PRDM16: variants seen among roughly 807,000 people sequenced by gnomAD.
The protein encoded by PRDM16 is histone-lysine N-methyltransferase PRDM16.
In PRDM16, 23 loss-of-function variants were observed where a neutral mutation model predicts 110.6. The observed-to-expected ratio is 0.21, with a 90% CI of 0.15 to 0.29. PRDM16 has a LOEUF of 0.29. Among genes scored for constraint, PRDM16 ranks in the 10% least tolerant of loss-of-function variants. The pLI, the probability that PRDM16 is intolerant of heterozygous loss-of-function variation, is 1.00. For missense variants in PRDM16, 1,615 were observed against 1,794.3 expected (o/e 0.90, Z 1.81); for synonymous variants, 799 against 781.8 (o/e 1.02, Z -0.37).
chr1:3,314,347 G>A (rs1641547063), intron 3 of PRDM16, among the ~76,000 whole-genome samples: 1 of 152,200 alleles, frequency 6.6e-6, no homozygotes, highest in African/African-American at 2.4e-5. Context: ...GGAAAGGAGA[G>A]GGAGAGAGAG....
intron 3 of PRDM16, among the ~76,000 whole-genome samples, chr1:3,262,009 G>A (rs1463533017): frequency 6.6e-6 from 1 of 152,236 alleles, no homozygotes; most frequent in Admixed American, 6.5e-5. Flanking sequence ...GAAGCTTCCA[G>A]TACAGGTACT....
At chr1:3,387,966 G>A (rs1034489003) in intron 4 of PRDM16, among the ~76,000 whole-genome samples, 5 of 152,176 alleles carry the variant, frequency 3.3e-5, no homozygotes, top group East Asian at 3.8e-4. Context: ...CGGCTGTGAC[G>A]GCCGCACGGC....
At chr1:3,417,340 C>T (rs370210205) in intron 10 of PRDM16, among the ~76,000 whole-genome samples, 9 of 152,316 alleles carry the variant, frequency 5.9e-5, no homozygotes, top group Admixed American at 2.6e-4. Flanking sequence ...ATGCTTTAAA[C>T]GGAGATTCAG....
In PRDM16 at chr1:3,425,395, G is replaced by A; in HGVS notation, c.2940-186G>A. On this transcript the variant is annotated intron_variant, in intron 12 of 16. Transcript: ENST00000270722. The surrounding 1 kb of genome is among the most constrained non-coding windows in gnomAD (Gnocchi z 6.9). ...TTCTTGAAGCCGGGGCTGTTTCTAG[G>A]GACAGCTTCCCCAGGATGCCTTTGG... The A allele has an allele frequency of 1.7e-6, 1 of 592,378 alleles. No homozygotes were observed. The highest frequency in any genetic ancestry group is 2.9e-6 in the Non-Finnish European group (1 of 341,680). 36.7% of individuals were successfully genotyped at this position (592,378 alleles called of 1,614,324 possible).
intron 8 of PRDM16, among the ~76,000 whole-genome samples, chr1:3,409,130 TGTGA>T (rs1235460313): frequency 9.0e-6 from 1 of 111,432 alleles, no homozygotes; most frequent in East Asian, 4.3e-4. Context: ...AGTTGATGCA[TGTGA>T]GTGTGTGAGT....
At chr1:3,431,431 G>C (rs572567726) in intron 15 of PRDM16, among the ~76,000 whole-genome samples, 3 of 152,342 alleles carry the variant, frequency 2.0e-5, no homozygotes, top group South Asian at 2.1e-4. Flanking sequence ...GGGACAGCGC[G>C]TGCAGCCACT....
At chr1:3,349,348 T>A (rs1450590151) in intron 3 of PRDM16, among the ~76,000 whole-genome samples, 2 of 152,174 alleles carry the variant, frequency 1.3e-5, no homozygotes, top group African/African-American at 4.8e-5. Context: ...GGAAAGGTGC[T>A]GACGTGGCAC....
rs907482278 is a variant in PRDM16 at position 3,255,390 on chromosome 1, G to A, written c.438+11253G>A. Among the ~76,000 whole-genome samples the A allele has an allele frequency of 1.3e-5, 2 of 152,126 alleles. No homozygotes were observed. The highest frequency in any genetic ancestry group is 2.9e-5 in the Non-Finnish European group (2 of 68,024). On this transcript the variant is annotated intron_variant, in intron 3 of 16. Transcript: ENST00000270722. This position sits in a 1 kb window ranked among gnomAD's most constrained non-coding sequence, Gnocchi z 4.7. ...GCGTGCAGCACACAGCCTCCCAGACGGCTCTCACCACAAAGCCAGGGCTGC... is the reference window on the plus strand; with the variant it reads ...GCGTGCAGCACACAGCCTCCCAGACAGCTCTCACCACAAAGCCAGGGCTGC...
chr1:3,208,842 C>T lies in PRDM16; in HGVS notation c.387+22368C>T, dbSNP rs988273962. Reference sequence around the variant, plus strand: ...CCATCTCCACCCCCTGAAGCCATCTCCTCTTGCTCCCTGAGTGCCTGTCCA... The same window carrying T: ...CCATCTCCACCCCCTGAAGCCATCTTCTCTTGCTCCCTGAGTGCCTGTCCA... On this transcript the variant is annotated intron_variant, in intron 2 of 16. Coordinates refer to ENST00000270722, the MANE Select transcript of PRDM16 (RefSeq NM_022114.4). The surrounding 1 kb of genome is among the most constrained non-coding windows in gnomAD (Gnocchi z 6.1). Among the ~76,000 whole-genome samples, 12 of 152,210 alleles carry T rather than the reference C, an allele frequency of 7.9e-5. No homozygotes were observed. The highest frequency in any genetic ancestry group is 1.6e-4 in the Non-Finnish European group (11 of 68,048).
intron 3 of PRDM16, among the ~76,000 whole-genome samples, chr1:3,293,822 T>A (rs1641029534): frequency 6.6e-6 from 1 of 152,208 alleles, no homozygotes; most frequent in Non-Finnish European, 1.5e-5. Context: ...CTCCATCTCC[T>A]GGTGAACGTT....
chr1:3,313,502 G>A (rs1641516595), intron 3 of PRDM16, among the ~76,000 whole-genome samples: 1 of 152,238 alleles, frequency 6.6e-6, no homozygotes, highest in African/African-American at 2.4e-5. Context: ...GCATCCAGGG[G>A]AGAGAAACAA....
chr1:3,433,229 T>C (rs529871573), intron 16 of PRDM16, among the ~76,000 whole-genome samples: 14 of 152,356 alleles, frequency 9.2e-5, no homozygotes, highest in Middle Eastern at 3.4e-3. Context: ...TGTCCTGGCA[T>C]CACTCGGAGC....
In PRDM16 at chr1:3,412,063, C is replaced by A; in HGVS notation, c.1866C>A (p.Gly622=). The change falls in exon 9 of 17, where the codon GGC becomes GGA. Residue 622 remains glycine (G), a synonymous_variant. Transcript: ENST00000270722. The part of the protein sequence containing the change: ...GTDLDTTTGT[G]SDLDSDVDSD... ...ACCTGGACACGACCACGGGGACGGG[C>A]TCGGACCTGGACAGCGACGTGGACA... The A allele has an allele frequency of 6.2e-7, 1 of 1,608,046 alleles. No homozygotes were observed. The highest frequency in any genetic ancestry group is 8.5e-7 in the Non-Finnish European group (1 of 1,176,374).
Position 3,134,724 on chromosome 1 carries a change from C to A in PRDM16, c.38-51401C>A, listed in dbSNP as rs934243900. 2.6e-5 allele frequency among the ~76,000 whole-genome samples: 4 copies of A among 152,256 alleles called. No individual in the cohort carries two copies. In the East Asian group the frequency reaches 7.7e-4, roughly 29 times the overall value. Reference sequence around the variant, plus strand: ...CAGAAAGTGAAGATTAAACTTAAAGCGATTAGACAACTTATTTTTCTTTTC... The same window carrying A: ...CAGAAAGTGAAGATTAAACTTAAAGAGATTAGACAACTTATTTTTCTTTTC... On this transcript the variant is annotated intron_variant, in intron 1 of 16. Transcript: ENST00000270722.
chr1:3,402,394 T>C (rs142236180), intron 5 of PRDM16, among the ~76,000 whole-genome samples: 2 of 152,378 alleles, frequency 1.3e-5, no homozygotes, highest in East Asian at 3.9e-4. Flanking sequence ...CAATAATTTA[T>C]TATATGCACT....
chr1:3,179,272 G>T (rs1644124057), intron 1 of PRDM16, among the ~76,000 whole-genome samples: 1 of 152,260 alleles, frequency 6.6e-6, no homozygotes, highest in African/African-American at 2.4e-5. Flanking sequence ...GGCCAGGACT[G>T]GGGTCAGAGC....
At chr1:3,092,255 C>T (rs972139840) in intron 1 of PRDM16, among the ~76,000 whole-genome samples, 2 of 152,176 alleles carry the variant, frequency 1.3e-5, no homozygotes, top group Admixed American at 6.5e-5. Flanking sequence ...GAGAGGCAGT[C>T]CTGCAGGGAG....
chr1:3,123,192 C>A (rs1202510716), intron 1 of PRDM16, among the ~76,000 whole-genome samples: 1 of 152,254 alleles, frequency 6.6e-6, no homozygotes, highest in East Asian at 1.9e-4. Context: ...ATGGCAAAGC[C>A]AAACCCTTGC....
intron 1 of PRDM16, among the ~76,000 whole-genome samples, chr1:3,147,299 AAAAG>A (rs1432340510): frequency 1.3e-5 from 2 of 151,920 alleles, no homozygotes; most frequent in East Asian, 1.9e-4. Flanking sequence ...ACTTAGAAGG[AAAAG>A]AAAGCCTTGA....
Sources: allele counts gnomAD v4.1 joint callset (sites outside exome capture counted in the v4.1 genomes callset), GRCh38; gene constraint gnomAD v4.1.1; non-coding constraint Gnocchi (gnomAD v3.1); transcripts MANE v1.5; gene names NCBI Gene and HGNC (gene_info 2026-07-23, HGNC 2026-07-21).